The following NAA10 variants were observed in gnomAD, a reference collection of about 807,000 sequenced individuals.
The protein encoded by NAA10 is N-alpha-acetyltransferase 10, NatA catalytic subunit, also known as N-alpha-acetyltransferase 10.
NAA10 carries 6 observed loss-of-function variants against 19.2 expected under a neutral mutation model. That is an observed-to-expected ratio of 0.31 (90% CI 0.17 to 0.62). NAA10 has a LOEUF of 0.62. Ranked by LOEUF, NAA10 falls within the 20% of genes least tolerant of loss-of-function variation. The pLI is 0.83. For synonymous variants in NAA10, 97 were observed against 79.9 expected, an observed-to-expected ratio of 1.21 and a Z score of -1.14; for missense variants, 101 against 198.4, an observed-to-expected ratio of 0.51 and a Z score of 2.95.
At position 153,930,750 on chromosome X, in the gene NAA10, T is replaced by G. The variant is rs1557107261; in HGVS notation, c.471+13A>C. On this transcript the variant is annotated intron_variant, in intron 7 of 7. Transcript: ENST00000464845. ...CCCCCGCTCGCCTTGCTTGGCTTCA[T>G]GCAGGCGCTTACCTCGTCGGCCATC... The G allele has an allele frequency of 8.3e-7, 1 of 1,210,685 alleles. No individual in the cohort carries two copies. The highest frequency in any genetic ancestry group is 1.1e-6 in the Non-Finnish European group (1 of 894,324).
At chrX:153,934,566 CG>C (rs200447758) in intron 1 of NAA10, 91 bp from the exon 2 acceptor site, 3 of 759,767 alleles carry the variant, frequency 3.9e-6, no homozygotes, top group Non-Finnish European at 6.0e-6. Context: ...TGCTCGGCCC[CG>C]CTCCCTCGGG....
chrX:153,934,276 GC>G, intron 2 of NAA10, 100 bp downstream of exon 2: 2 of 755,563 alleles, frequency 2.6e-6, no homozygotes, highest in Non-Finnish European at 4.0e-6. Context: ...CGACCATACA[GC>G]CCCCTGGGCT....
intron 5 of NAA10, 57 bp from the exon 6 acceptor site, chrX:153,932,172 C>T (rs984043511): frequency 3.8e-5 from 45 of 1,196,427 alleles, no homozygotes; most frequent in Non-Finnish European, 4.9e-5. Context: ...AGGGGTAGCA[C>T]GTCCAGGTCT....
rs782662218 is a variant in NAA10, at chrX:153,929,265, T to C, written c.*722A>G. On this transcript the variant is annotated 3_prime_UTR_variant, in exon 8 of 8. Transcript: ENST00000464845. ...GCTGTAGTTTACAATAACTTATCAGTATTGGCGCATCAACAATAACAAATA... is the reference window on the plus strand; with the variant it reads ...GCTGTAGTTTACAATAACTTATCAGCATTGGCGCATCAACAATAACAAATA... 8.9e-6 allele frequency: 1 copy of C among 112,596 alleles called. No individual in the cohort carries two copies. The highest frequency in any genetic ancestry group is 1.9e-5 in the Non-Finnish European group (1 of 53,524). The allele number at this position is 112,596 out of a possible 1,213,427, so 9.3% of individuals were successfully genotyped here. A position where few individuals can be genotyped will look rare whatever the true frequency, so the allele number is the denominator to read the frequency against.
chrX:153,930,703 G>T, intron 7 of NAA10, 60 bp downstream of exon 7: 1 of 1,153,317 alleles, frequency 8.7e-7, no homozygotes, highest in Non-Finnish European at 1.2e-6. Flanking sequence ...TGCAGCCACT[G>T]TCTTGGGGCT....
chrX:153,934,797 C>A (rs2065187951), intron 1 of NAA10, 87 bp downstream of exon 1: 1 of 910,015 alleles, frequency 1.1e-6, no homozygotes, highest in Non-Finnish European at 1.4e-6. Flanking sequence ...CCGGGCCGGG[C>A]TCGGCCGGGG....
At chrX:153,930,303 G>A (rs782360409) in intron 7 of NAA10, 80 bp from the exon 8 acceptor site, 24 of 925,635 alleles carry the variant, frequency 2.6e-5, no homozygotes, top group South Asian at 9.8e-5. Flanking sequence ...TGGCCCTGTC[G>A]CTGGCTGAGG....
At chrX:153,934,301 C>T in intron 2 of NAA10, 76 bp downstream of exon 2, 2 of 892,231 alleles carry the variant, frequency 2.2e-6, no homozygotes, top group Non-Finnish European at 3.2e-6. Flanking sequence ...ACAGACTTGT[C>T]CACTCCCTCC....
At chrX:153,933,810 C>T (rs1198709161) in intron 3 of NAA10, 133 bp downstream of exon 3, 3 of 566,086 alleles carry the variant, frequency 5.3e-6, no homozygotes, top group Non-Finnish European at 5.8e-6. Flanking sequence ...ATAAGAACTC[C>T]ATGTCCTTTC....
chrX:153,932,429 A>G lies in NAA10; in HGVS notation c.228T>C (p.Ala76=), dbSNP rs1324520157. The G allele has an allele frequency of 8.3e-7, 1 of 1,208,748 alleles. No individual in the cohort carries two copies. The highest frequency in any genetic ancestry group is 1.7e-5 in the African/African-American group (1 of 57,254). The stretch of plus-strand genomic sequence containing the variant: ...CGAGGCGCCGGTGGGAACGCTTCAC[A>G]GCCTGGTGGGAGAAGAGCAGAGATG... ...DVPHGHITSL[A]VKRSHRRLGL... Residue 76 remains alanine, a splice_region_variant and synonymous_variant, in exon 5 of 8, where the codon GCT becomes GCC. Transcript: ENST00000464845.
chrX:153,931,514 G>A, intron 6 of NAA10: 1 of 800,581 alleles, frequency 1.2e-6, no homozygotes, highest in Non-Finnish European at 1.5e-6. Flanking sequence ...GCCCACCCCA[G>A]CTTCACTTGC....
Position 153,932,185 on chromosome X carries a change from C to CCCCT in NAA10, c.342-74_342-71dup, listed in dbSNP as rs1196419185. 4 of 1,184,438 alleles carry CCCCT rather than the reference C, an allele frequency of 3.4e-6. No individual in the cohort carries two copies. The African/African-American group carries it at 7.1e-5, about 21-fold the overall frequency. ...GGAGGGGTAGCACGTCCAGGTCTTGCCCCTCCTCCTGGTCCCTCCTTCCCC... is the reference window on the plus strand; with the variant it reads ...GGAGGGGTAGCACGTCCAGGTCTTGCCCCTCCCTCCTCCTGGTCCCTCCTTCCCC... On this transcript the variant is annotated intron_variant, in intron 5 of 7. Transcript: ENST00000464845.
At chrX:153,934,604 C>G in intron 1 of NAA10, 129 bp from the exon 2 acceptor site, 1 of 623,281 alleles carries the variant, frequency 1.6e-6, no homozygotes, top group Non-Finnish European at 2.6e-6. Flanking sequence ...GACGATCTGA[C>G]TTTGCACAAC....
In NAA10 at chrX:153,935,010, C is replaced by A. The variant is rs192489081; in HGVS notation, c.-106G>T. ...GGCCGGGGCTGGGACCGGAGCTGGG[C>A]TCGCTGGGCGACGGCGGAAGGGGCG... On this transcript the variant is annotated 5_prime_UTR_variant, in exon 1 of 8. Transcript: ENST00000464845. 2.6e-6 allele frequency: 2 copies of A among 782,774 alleles called. No individual in the cohort carries two copies. Among genetic ancestry groups the A allele is most frequent in the Non-Finnish European group, 3.2e-6 (2 of 630,315 alleles). 64.5% of individuals were successfully genotyped at this position (782,774 alleles called of 1,213,427 possible).
chrX:153,932,977 T>C (rs1480108501), intron 3 of NAA10: 4 of 219,853 alleles, frequency 1.8e-5, no homozygotes, highest in African/African-American at 2.9e-5. Context: ...CACTTGAGCC[T>C]GGGAGGTTGA....
chrX:153,931,861 T>C, intron 6 of NAA10: 1 of 1,114,348 alleles, frequency 9.0e-7, no homozygotes. Context: ...TGGAGCACGT[T>C]TCAGCAGGCA....
At chrX:153,934,084 G>A in intron 2 of NAA10, 83 bp from the exon 3 acceptor site, 2 of 919,027 alleles carry the variant, frequency 2.2e-6, no homozygotes, top group Non-Finnish European at 3.2e-6. Context: ...GACGAGTGGC[G>A]AGTTGTGTGA....
Position 153,935,037 on chromosome X carries a change from T to C in NAA10, c.-133A>G. 4.7e-6 allele frequency: 3 copies of C among 641,700 alleles called. No homozygotes were observed. The highest frequency in any genetic ancestry group is 5.9e-6 in the Non-Finnish European group (3 of 508,328). 52.9% of individuals were successfully genotyped at this position (641,700 alleles called of 1,213,427 possible). A position where few individuals can be genotyped will look rare whatever the true frequency, so the allele number is the denominator to read the frequency against. On this transcript the variant is annotated 5_prime_UTR_variant, in exon 1 of 8. Transcript: ENST00000464845. Reference sequence around the variant, plus strand: ...CGCTGGGCGACGGCGGAAGGGGCGGTGCGCGCCGGGCCGGCCACCGGCCGG... The same window carrying C: ...CGCTGGGCGACGGCGGAAGGGGCGGCGCGCGCCGGGCCGGCCACCGGCCGG...
chrX:153,931,518 C>T (rs890938807), intron 6 of NAA10: 2 of 799,266 alleles, frequency 2.5e-6, no homozygotes, highest in African/African-American at 4.4e-5. Context: ...ACCCCAGCTT[C>T]ACTTGCAAGC....
Sources: allele counts gnomAD v4.1 joint callset, GRCh38; gene constraint gnomAD v4.1.1; transcripts MANE v1.5; gene names NCBI Gene and HGNC (gene_info 2026-07-23, HGNC 2026-07-21).